Variants in CFAP57 observed in about 807,000 individuals in gnomAD.
CFAP57 encodes cilia- and flagella-associated protein 57.
CFAP57 carries 116 observed loss-of-function variants against 146.8 expected under a neutral mutation model. That is an observed-to-expected ratio of 0.79 (90% CI 0.68 to 0.92). The LOEUF (loss-of-function observed/expected upper bound fraction) is 0.92. Among genes scored for constraint, CFAP57 ranks in the 40% least tolerant of loss-of-function variants. The pLI is 0.00. For synonymous variants in CFAP57, 518 were observed against 552.8 expected (o/e 0.94, Z 0.88); for missense variants, 1,377 against 1,527.2 (o/e 0.90, Z 1.64).
At chr1:43,205,835 T>C (rs994088786) in intron 9 of CFAP57, among the ~76,000 whole-genome samples, 3 of 152,146 alleles carry the variant, frequency 2.0e-5, no homozygotes, top group Middle Eastern at 3.4e-3. Context: ...CTGCCCAGAG[T>C]GCACAGCAGT....
Position 43,212,947 on chromosome 1 carries a change from AAAAG to A in CFAP57, c.1930-2292_1930-2289del, listed in dbSNP as rs200830218. Among the ~76,000 whole-genome samples the A allele has an allele frequency of 9.2e-3, 1,391 of 151,308 alleles. 11 individuals are homozygous for A. The highest frequency in any genetic ancestry group is 0.022 in the Admixed American group (334 of 15,170). On this transcript the variant is annotated intron_variant, in intron 11 of 22. Coordinates refer to ENST00000372492, the MANE Select transcript of CFAP57 (RefSeq NM_001378189.1). Reference sequence around the variant, plus strand: ...GCAGACTCTATCTCAAAAAAAAAAAAAAAGAAAGAAAGAAAGAAAAGAAAACTGA... The same window carrying A: ...GCAGACTCTATCTCAAAAAAAAAAAAAAAGAAAGAAAGAAAAGAAAACTGA...
chr1:43,221,935 A>G (rs2124559574), intron 14 of CFAP57, among the ~76,000 whole-genome samples, 170 bp from the exon 15 acceptor site: 1 of 152,184 alleles, frequency 6.6e-6, no homozygotes. Flanking sequence ...TGATGAGATG[A>G]TGGGATGAGG....
intron 6 of CFAP57, among the ~76,000 whole-genome samples, chr1:43,189,356 A>T (rs1414790876): frequency 6.6e-6 from 1 of 152,190 alleles, no homozygotes; most frequent in Non-Finnish European, 1.5e-5. Flanking sequence ...TAACAATACT[A>T]AGCCTTCCAA....
chr1:43,181,394 A>G (rs563447278), intron 2 of CFAP57, 140 bp from the exon 3 acceptor site: 11 of 1,021,112 alleles, frequency 1.1e-5, no homozygotes, highest in Non-Finnish European at 1.6e-5. Flanking sequence ...CATAATACCC[A>G]AACACAGCTA....
chr1:43,242,445 ATGGT>A (rs1313331153), intron 21 of CFAP57, among the ~76,000 whole-genome samples: 1 of 142,024 alleles, frequency 7.0e-6, no homozygotes, highest in East Asian at 2.0e-4. Flanking sequence ...TATTAGATGA[ATGGT>A]TGGTTGGATG....
At chr1:43,218,164 A>T (rs1644909888) in intron 12 of CFAP57, among the ~76,000 whole-genome samples, 2 of 152,204 alleles carry the variant, frequency 1.3e-5, no homozygotes, top group Non-Finnish European at 2.9e-5. Context: ...TGAGATAGGG[A>T]TGCACGGGGT....
At chr1:43,250,275 C>T (rs968535586) in intron 22 of CFAP57, 2 of 152,178 alleles carry the variant, frequency 1.3e-5, no homozygotes, top group Non-Finnish European at 2.9e-5. Flanking sequence ...CATGGTTATA[C>T]GTTGTTTGCC....
intron 14 of CFAP57, 124 bp from the exon 15 acceptor site, chr1:43,221,980 TC>T (rs1436589831): frequency 1.3e-5 from 10 of 778,716 alleles, no homozygotes; most frequent in Non-Finnish European, 9.4e-6. Context: ...GGCATTTGAA[TC>T]TTGGCTCTGG....
rs773858541 is a variant in CFAP57, at chr1:43,209,838, C to A, written c.1851C>A (p.Thr617=). 8.1e-6 allele frequency: 13 copies of A among 1,614,090 alleles called. No homozygotes were observed. The Admixed American group carries it at 1.7e-4, about 21-fold the overall frequency. Residue 617 remains threonine, a synonymous_variant, in exon 11 of 23, where the codon ACC becomes ACA. Transcript: ENST00000372492. ...TGTTTGTGGGCACCTCGGTGGGAACCATTCGTGCCATGAAGTACCCTCTGC... is the reference window on the plus strand; with the variant it reads ...TGTTTGTGGGCACCTCGGTGGGAACAATTCGTGCCATGAAGTACCCTCTGC... ...RMMFVGTSVG[T]IRAMKYPLPL...
Position 43,186,742 on chromosome 1 carries a change from G to T in CFAP57, c.1005G>T (p.Gln335His). The T allele has an allele frequency of 6.2e-7, 1 of 1,614,094 alleles. No individual in the cohort carries two copies. Among genetic ancestry groups the T allele is most frequent in the Non-Finnish European group, 8.5e-7 (1 of 1,180,022 alleles). The change falls in exon 6 of 23, where the codon CAG becomes CAT. Residue 335 changes from glutamine to histidine, a missense_variant. Gln to His is a conservative substitution (Grantham distance 24). Transcript: ENST00000372492. ...PVDPQSNDPS[Q>H]SDKQDVLCLC... ...ACCCGCAGAGCAATGATCCAAGTCA[G>T]TCTGACAAACAGGACGTTCTCTGCC...
intron 8 of CFAP57, 48 bp downstream of exon 8, chr1:43,198,694 A>G (rs1643975344): frequency 6.2e-7 from 1 of 1,603,374 alleles, no homozygotes; most frequent in Non-Finnish European, 8.5e-7. Flanking sequence ...TTAGAAAGCC[A>G]CGGCTGAAAT....
chr1:43,210,892 G>T (rs776547686), intron 11 of CFAP57: 1 of 151,504 alleles, frequency 6.6e-6, no homozygotes, highest in African/African-American at 2.4e-5. Context: ...CGAAATGGTT[G>T]CCAAGAAATC....
intron 11 of CFAP57, among the ~76,000 whole-genome samples, chr1:43,213,796 C>T (rs1399076663): frequency 6.6e-6 from 1 of 151,794 alleles, no homozygotes; most frequent in Non-Finnish European, 1.5e-5. Context: ...TTGCATTTCC[C>T]TGATGATTAG....
chr1:43,195,089 G>A (rs1569973967), intron 6 of CFAP57: 1 of 152,162 alleles, frequency 6.6e-6, no homozygotes, highest in Admixed American at 6.5e-5. Flanking sequence ...CCCTAATATG[G>A]TGATGATGGG....
chr1:43,236,013 C>T (rs1426482744), intron 21 of CFAP57, among the ~76,000 whole-genome samples: 1 of 152,170 alleles, frequency 6.6e-6, no homozygotes, highest in Non-Finnish European at 1.5e-5. Flanking sequence ...GCATCCTGTC[C>T]TCTTCTGCTT....
Position 43,184,011 on chromosome 1 carries a change from T to C in CFAP57, c.761+134T>C, listed in dbSNP as rs577884934. On this transcript the variant is annotated intron_variant, in intron 4 of 22. Transcript: ENST00000372492. The stretch of plus-strand genomic sequence containing the variant: ...ACTATGCCCATTTTCCCTCTTCCTC[T>C]CTAGTTTTCGTCTATATTTAAGCAC... 4.7e-6 allele frequency: 5 copies of C among 1,059,768 alleles called. No individual in the cohort carries two copies. The East Asian group carries it at 1.3e-4, about 27-fold the overall frequency. The allele number at this position is 1,059,768 out of a possible 1,614,324, so 65.6% of individuals were successfully genotyped here.
At chr1:43,212,795 A>G (rs1644669991) in intron 11 of CFAP57, among the ~76,000 whole-genome samples, 2 of 152,112 alleles carry the variant, frequency 1.3e-5, no homozygotes, top group Admixed American at 6.5e-5. Context: ...TTAGCCAGGC[A>G]TGGTGGTGCA....
intron 17 of CFAP57, 136 bp from the exon 18 acceptor site, chr1:43,226,847 A>G (rs1557806710): frequency 2.0e-6 from 2 of 999,500 alleles, no homozygotes; most frequent in Admixed American, 6.5e-5. Flanking sequence ...CTCTGTACTG[A>G]CGAAGGGAGG....
intron 22 of CFAP57, among the ~76,000 whole-genome samples, chr1:43,252,827 C>A (rs1646357614): frequency 6.6e-6 from 1 of 152,134 alleles, no homozygotes; most frequent in South Asian, 2.1e-4. Flanking sequence ...TAATTAGAAG[C>A]TCAATGGACA....
Sources: gnomAD v4.1 joint callset for allele counts (sites outside exome capture counted in the v4.1 genomes callset) on GRCh38, gnomAD v4.1.1 for gene constraint, MANE v1.5 for transcripts, NCBI Gene and HGNC (gene_info 2026-07-23, HGNC 2026-07-21) for gene names.